Variants in XPR1 observed in about 807,000 individuals in gnomAD.
XPR1 encodes the protein xenotropic and polytropic retrovirus receptor 1, also known as solute carrier family 53 member 1.
A neutral mutation model predicts 87.5 loss-of-function variants in XPR1; 28 were observed. The observed-to-expected ratio is 0.32, with a 90% CI of 0.24 to 0.44. XPR1 has a LOEUF of 0.44. XPR1 is among the 20% of genes least tolerant of loss of function. XPR1 has a pLI of 1.00. For synonymous variants in XPR1, 300 were observed against 306.1 expected (o/e 0.98, Z 0.21); for missense variants, 559 against 862.3 (o/e 0.65, Z 4.41).
intron 11 of XPR1, among the ~76,000 whole-genome samples, chr1:180,862,161 C>G (rs1652245437): frequency 1.3e-5 from 2 of 151,992 alleles, no homozygotes; most frequent in African/African-American, 4.8e-5. Flanking sequence ...TCACACAACA[C>G]TGAAGCTCCA....
intron 1 of XPR1, among the ~76,000 whole-genome samples, chr1:180,660,734 T>C (rs949972218): frequency 2.1e-5 from 3 of 144,044 alleles, no homozygotes; most frequent in African/African-American, 7.7e-5. Flanking sequence ...TCAGTTTTTT[T>C]GAATGTTTGA....
chr1:180,858,349 TTC>T (rs1652102860), intron 11 of XPR1, among the ~76,000 whole-genome samples: 1 of 152,252 alleles, frequency 6.6e-6, no homozygotes, highest in Non-Finnish European at 1.5e-5. Flanking sequence ...AGATAACCAC[TTC>T]TGTTTTTTTC....
intron 11 of XPR1, among the ~76,000 whole-genome samples, chr1:180,838,241 C>T (rs879837186): frequency 6.6e-6 from 1 of 151,994 alleles, no homozygotes; most frequent in Admixed American, 6.6e-5. Flanking sequence ...AAATATCTTT[C>T]CTGTTCATTA....
chr1:180,834,813 A>G, intron 9 of XPR1, 61 bp from the exon 10 acceptor site: 3 of 1,524,030 alleles, frequency 2.0e-6, no homozygotes, highest in African/African-American at 2.8e-5. Flanking sequence ...CAGACATGAA[A>G]TGGAGACATT....
chr1:180,659,453 CCCTCCCTTCCTCCCTTCCTCCCTT>C (rs751171524), intron 1 of XPR1, among the ~76,000 whole-genome samples: 5 of 112,018 alleles, frequency 4.5e-5, no homozygotes, highest in African/African-American at 1.7e-4. Flanking sequence ...CCTCCTTCTT[CCCTCCCTTCCTCCCTTCCTCCCTT>C]CCTCCCTTCC....
intron 2 of XPR1, among the ~76,000 whole-genome samples, chr1:180,731,133 T>C (rs977601240): frequency 1.3e-5 from 2 of 152,174 alleles, no homozygotes; most frequent in African/African-American, 2.4e-5. Flanking sequence ...TTTAGAATTA[T>C]TGGTGTCGAT....
chr1:180,732,328 C>T (rs558883968), intron 2 of XPR1, among the ~76,000 whole-genome samples: 2 of 151,368 alleles, frequency 1.3e-5, no homozygotes, highest in African/African-American at 2.4e-5. Flanking sequence ...GATACATTTT[C>T]TCATGGTTAT....
intron 2 of XPR1, among the ~76,000 whole-genome samples, chr1:180,715,685 C>CT (rs1182531512): frequency 5.3e-5 from 8 of 150,392 alleles, no homozygotes; most frequent in Non-Finnish European, 1.0e-4. Context: ...ATCTTTCTTT[C>CT]TTTTTTTTGA....
chr1:180,843,022 G>C (rs1171567175), intron 11 of XPR1, among the ~76,000 whole-genome samples: 9 of 152,168 alleles, frequency 5.9e-5, no homozygotes, highest in Admixed American at 5.2e-4. Context: ...ATCCCTTCTT[G>C]TTTAACGTTC....
intron 1 of XPR1, among the ~76,000 whole-genome samples, chr1:180,680,108 A>G (rs1656514491): frequency 1.3e-5 from 2 of 152,178 alleles, no homozygotes; most frequent in African/African-American, 4.8e-5. Flanking sequence ...CAAGTGGCTA[A>G]CAAATAAAGA....
chr1:180,787,632 A>G, intron 2 of XPR1, 121 bp from the exon 3 acceptor site: 1 of 686,406 alleles, frequency 1.5e-6, no homozygotes, highest in Non-Finnish European at 2.4e-6. Flanking sequence ...TCACTTTTTC[A>G]GAGAAATACA....
chr1:180,862,529 C>G (rs984625650), intron 11 of XPR1, among the ~76,000 whole-genome samples: 5 of 152,118 alleles, frequency 3.3e-5, no homozygotes, highest in Non-Finnish European at 4.4e-5. Context: ...TCTCTTACTT[C>G]CTACTGTTGG....
At chr1:180,785,083 C>G (rs931231101) in intron 2 of XPR1, among the ~76,000 whole-genome samples, 1 of 144,514 alleles carries the variant, frequency 6.9e-6, no homozygotes, top group African/African-American at 2.5e-5. Flanking sequence ...TGATTAATGG[C>G]TATTTTATGT....
chr1:180,741,166 A>T (rs1658909004), intron 2 of XPR1, among the ~76,000 whole-genome samples: 1 of 151,842 alleles, frequency 6.6e-6, no homozygotes, highest in African/African-American at 2.4e-5. Flanking sequence ...GCGTCTAGAG[A>T]TTTCTGCTTT....
At chr1:180,715,697 A>G (rs1478307971) in intron 2 of XPR1, among the ~76,000 whole-genome samples, 1 of 151,524 alleles carries the variant, frequency 6.6e-6, no homozygotes, top group Non-Finnish European at 1.5e-5. Flanking sequence ...TTTTTTTGAG[A>G]TAGAGTTTCA....
chr1:180,821,651 A>G (rs1650628269), intron 7 of XPR1, among the ~76,000 whole-genome samples: 1 of 152,202 alleles, frequency 6.6e-6, no homozygotes, highest in Non-Finnish European at 1.5e-5. Context: ...TTGCCGTCTT[A>G]ACAATATTAA....
chr1:180,875,236 A>G (rs1428140596), intron 13 of XPR1, among the ~76,000 whole-genome samples: 1 of 152,206 alleles, frequency 6.6e-6, no homozygotes, highest in Non-Finnish European at 1.5e-5. Context: ...GTAGCCAGGC[A>G]TGATGGTTTA....
intron 2 of XPR1, among the ~76,000 whole-genome samples, chr1:180,729,241 A>G (rs891696862): frequency 3.3e-5 from 5 of 152,200 alleles, no homozygotes; most frequent in Non-Finnish European, 7.3e-5. Flanking sequence ...CCAGTATACC[A>G]TTGATGGGCA....
intron 2 of XPR1, among the ~76,000 whole-genome samples, chr1:180,749,334 A>G (rs1436620186): frequency 2.6e-5 from 4 of 152,232 alleles, no homozygotes; most frequent in South Asian, 2.1e-4. Flanking sequence ...ACTATTGTCT[A>G]ATTTAGCAGA....
Sources: allele counts gnomAD v4.1 joint callset (sites outside exome capture counted in the v4.1 genomes callset), GRCh38; gene constraint gnomAD v4.1.1; transcripts MANE v1.5; gene names NCBI Gene and HGNC (gene_info 2026-07-23, HGNC 2026-07-21).